PRR5L: variants seen among roughly 807,000 people sequenced by gnomAD.
PRR5L encodes the protein proline rich 5 like, also known as proline-rich protein 5-like.
PRR5L carries 21 observed loss-of-function variants against 36.4 expected under a neutral mutation model. The observed-to-expected ratio is 0.58, with a 90% CI of 0.41 to 0.83. The LOEUF (loss-of-function observed/expected upper bound fraction) is 0.83, where lower values mean the gene tolerates loss of function less well. Ranked by LOEUF, PRR5L falls within the 40% of genes least tolerant of loss-of-function variation. The pLI is 0.00. For missense variants in PRR5L, 381 were observed against 473.3 expected, an observed-to-expected ratio of 0.80 and a Z score of 1.81; for synonymous variants, 188 against 197.0, an observed-to-expected ratio of 0.95 and a Z score of 0.38.
At chr11:36,460,022 A>G (rs1859145620) in intron 8 of PRR5L, among the ~76,000 whole-genome samples, 1 of 152,210 alleles carries the variant, frequency 6.6e-6, no homozygotes, top group Non-Finnish European at 1.5e-5. Flanking sequence ...TCACCGGGTA[A>G]TACCTTTGCC....
chr11:36,365,209 C>A (rs532787991), intron 1 of PRR5L, among the ~76,000 whole-genome samples: 6 of 152,052 alleles, frequency 3.9e-5, no homozygotes, highest in Admixed American at 3.9e-4. Context: ...AATGATCGTT[C>A]AAGTTTACTT....
At chr11:36,403,434 T>C (rs1857840336) in intron 3 of PRR5L, 56 bp downstream of exon 3, 15 of 1,402,402 alleles carry the variant, frequency 1.1e-5, no homozygotes, top group East Asian at 6.8e-5. Context: ...AGCAGGGGCA[T>C]AGGGGCTACC....
chr11:36,432,536 C>T (rs963554303), intron 5 of PRR5L, among the ~76,000 whole-genome samples: 1 of 152,172 alleles, frequency 6.6e-6, no homozygotes, highest in Non-Finnish European at 1.5e-5. Context: ...TAGCTCCCAC[C>T]AAAGTGGGGC....
intron 4 of PRR5L, among the ~76,000 whole-genome samples, chr11:36,425,069 G>C (rs984374441): frequency 6.6e-6 from 1 of 152,054 alleles, no homozygotes; most frequent in African/African-American, 2.4e-5. Flanking sequence ...TGATCCACCC[G>C]CCTCGGCCTC....
chr11:36,316,968 C>G (rs1856564089), intron 1 of PRR5L, among the ~76,000 whole-genome samples: 1 of 152,164 alleles, frequency 6.6e-6, no homozygotes, highest in Admixed American at 6.5e-5. Flanking sequence ...AAGATGGAGT[C>G]AATTAGGTCT....
intron 1 of PRR5L, among the ~76,000 whole-genome samples, chr11:36,312,473 G>A (rs531145436): frequency 1.3e-5 from 2 of 152,362 alleles, no homozygotes; most frequent in African/African-American, 2.4e-5. Flanking sequence ...GTGCTTGGAA[G>A]TATGCCTGCT....
chr11:36,342,710 A>G (rs1856828957), intron 1 of PRR5L, among the ~76,000 whole-genome samples: 1 of 152,066 alleles, frequency 6.6e-6, no homozygotes, highest in African/African-American at 2.4e-5. Context: ...GGTCCTAGGA[A>G]CTTCAGGGTC....
intron 8 of PRR5L, among the ~76,000 whole-genome samples, chr11:36,455,678 C>T (rs189994890): frequency 1.4e-4 from 21 of 152,156 alleles, no homozygotes; most frequent in Non-Finnish European, 2.5e-4. Flanking sequence ...CCCTGCCTTC[C>T]CGGGAGCAGA....
chr11:36,408,536 G>A (rs1282552961), intron 3 of PRR5L, among the ~76,000 whole-genome samples: 1 of 152,138 alleles, frequency 6.6e-6, no homozygotes, highest in Non-Finnish European at 1.5e-5. Context: ...ATTTCCATCT[G>A]CCAGAGTTCG....
chr11:36,301,246 G>T (rs1856373302), intron 1 of PRR5L, among the ~76,000 whole-genome samples: 1 of 152,032 alleles, frequency 6.6e-6, no homozygotes, highest in African/African-American at 2.4e-5. Context: ...ATTGGAACTT[G>T]GTAGGCAGGT....
intron 8 of PRR5L, among the ~76,000 whole-genome samples, chr11:36,459,194 G>A (rs773977203): frequency 1.3e-5 from 2 of 152,196 alleles, no homozygotes; most frequent in African/African-American, 2.4e-5. Context: ...CGCTCAGCTC[G>A]TGACATGATA....
intron 1 of PRR5L, among the ~76,000 whole-genome samples, chr11:36,361,559 G>A (rs1857089150): frequency 6.6e-6 from 1 of 152,164 alleles, no homozygotes; most frequent in Non-Finnish European, 1.5e-5. Flanking sequence ...AGTTCAAAAA[G>A]TTTGAGTCAC....
At chr11:36,399,406 C>T (rs570454020) in intron 1 of PRR5L, among the ~76,000 whole-genome samples, 1 of 152,288 alleles carries the variant, frequency 6.6e-6, no homozygotes, top group South Asian at 2.1e-4. Context: ...CTAACACCTC[C>T]CGTGCCCTCT....
chr11:36,406,859 C>G (rs577915355), intron 3 of PRR5L, among the ~76,000 whole-genome samples: 2 of 152,112 alleles, frequency 1.3e-5, no homozygotes, highest in Non-Finnish European at 2.9e-5. Context: ...AATTTTTAAC[C>G]AAAGAGAGCA....
intron 1 of PRR5L, among the ~76,000 whole-genome samples, chr11:36,385,237 G>GT (rs1857436430): frequency 2.0e-5 from 3 of 152,274 alleles, no homozygotes; most frequent in Admixed American, 6.5e-5. Context: ...TTACCATCTG[G>GT]TAGGCGCTGC....
chr11:36,422,978 TTGG>T (rs753261754), intron 4 of PRR5L, among the ~76,000 whole-genome samples: 5 of 152,222 alleles, frequency 3.3e-5, no homozygotes, highest in Non-Finnish European at 7.3e-5. Context: ...ATTAGGTATC[TTGG>T]TGGTTCAGAG....
intron 1 of PRR5L, among the ~76,000 whole-genome samples, chr11:36,310,414 A>G (rs1236275281): frequency 6.6e-6 from 1 of 152,166 alleles, no homozygotes; most frequent in Admixed American, 6.5e-5. Context: ...ATAGGGGCGA[A>G]GTAGAGCCTC....
At chr11:36,404,243 G>GGGACAGGA (rs1209469352) in intron 3 of PRR5L, among the ~76,000 whole-genome samples, 2 of 151,714 alleles carry the variant, frequency 1.3e-5, no homozygotes, top group Non-Finnish European at 2.9e-5. Flanking sequence ...GGATCTTCTA[G>GGGACAGGA]GGACAGGAGA....
chr11:36,376,354 G>A, intron 1 of PRR5L: 20 of 971,630 alleles, frequency 2.1e-5, no homozygotes, highest in Non-Finnish European at 2.6e-5. Flanking sequence ...AAGAGGAGGA[G>A]GAGGAGGAGG....
Sources: allele counts gnomAD v4.1 joint callset (sites outside exome capture counted in the v4.1 genomes callset), GRCh38; gene constraint gnomAD v4.1.1; transcripts MANE v1.5; gene names NCBI Gene and HGNC (gene_info 2026-07-23, HGNC 2026-07-21).